The following PPP2R2C variants were observed in gnomAD, a reference collection of about 807,000 sequenced individuals.
PPP2R2C encodes protein phosphatase 2 regulatory subunit Bgamma.
A neutral mutation model predicts 45.3 loss-of-function variants in PPP2R2C; 10 were observed. The ratio of observed to expected loss-of-function variants is 0.22; its 90% confidence interval spans 0.14 to 0.37. PPP2R2C has a LOEUF of 0.37. Among genes scored for constraint, PPP2R2C ranks in the 10% least tolerant of loss-of-function variants. The probability of loss-of-function intolerance (pLI) is 1.00; values close to 1 mark genes in which losing one functional copy is unlikely to be tolerated. For synonymous variants in PPP2R2C, 257 were observed against 245.4 expected (o/e 1.05, Z -0.44); for missense variants, 308 against 619.7 (o/e 0.50, Z 5.34).
At chr4:6,512,595 G>GA (rs1723691275) in intron 2 of PPP2R2C, among the ~76,000 whole-genome samples, 1 of 132,456 alleles carries the variant, frequency 7.5e-6, no homozygotes, top group Non-Finnish European at 1.5e-5. Context: ...TGATGGTGAT[G>GA]GTGGTGGTGG....
At position 6,332,179 on chromosome 4, in the gene PPP2R2C, C is replaced by A. The variant is rs149957038; in HGVS notation, c.960+1383G>T. ...TGACCTCAGGGATGGAGGTAAGTGA[C>A]CGGACAAGGGGCCGGAGGGGGTTGG... On this transcript the variant is annotated intron_variant, in intron 7 of 8. Transcript: ENST00000382599. The surrounding 1 kb of genome is among the most constrained non-coding windows in gnomAD (Gnocchi z 4.9). 6.1e-3 allele frequency among the ~76,000 whole-genome samples: 936 copies of A among 152,252 alleles called. 7 individuals are homozygous for A. Among genetic ancestry groups the A allele is most frequent in the African/African-American group, 0.021 (869 of 41,556 alleles).
intron 1 of PPP2R2C, among the ~76,000 whole-genome samples, chr4:6,455,514 C>A (rs1165303918): frequency 1.3e-5 from 2 of 152,150 alleles, no homozygotes; most frequent in East Asian, 3.9e-4. Flanking sequence ...GCACACTGGG[C>A]AGCTCCCAGC....
At chr4:6,458,619 G>A (rs923329826) in intron 1 of PPP2R2C, among the ~76,000 whole-genome samples, 1 of 152,186 alleles carries the variant, frequency 6.6e-6, no homozygotes, top group Non-Finnish European at 1.5e-5. Context: ...GGAAGGCAAG[G>A]AGGCAGCACA....
At chr4:6,354,660 C>T (rs1408988611) in intron 5 of PPP2R2C, among the ~76,000 whole-genome samples, 1 of 149,624 alleles carries the variant, frequency 6.7e-6, no homozygotes, top group African/African-American at 2.5e-5. Context: ...CCCACCCCCA[C>T]CCCAACACAC....
At chr4:6,380,572 G>A (rs1560498973) in intron 2 of PPP2R2C, among the ~76,000 whole-genome samples, 1 of 152,168 alleles carries the variant, frequency 6.6e-6, no homozygotes, top group Non-Finnish European at 1.5e-5. Flanking sequence ...AGGTTTCACT[G>A]AAGGCACAAG....
At chr4:6,327,194 C>T (rs940025162) in intron 8 of PPP2R2C, among the ~76,000 whole-genome samples, 3 of 152,180 alleles carry the variant, frequency 2.0e-5, no homozygotes, top group African/African-American at 7.2e-5. Flanking sequence ...TCATAGTAGC[C>T]CCCCAGGGCA....
chr4:6,480,470 C>G (rs923437158), intron 2 of PPP2R2C, among the ~76,000 whole-genome samples: 1 of 152,188 alleles, frequency 6.6e-6, no homozygotes, highest in African/African-American at 2.4e-5. Flanking sequence ...TTGGCAAATT[C>G]TCCAAATTAA....
At chr4:6,477,308 C>T (rs1260459689), upstream of PPP2R2C, among the ~76,000 whole-genome samples, 1 of 152,100 alleles carries the variant, frequency 6.6e-6, no homozygotes, top group Non-Finnish European at 1.5e-5. Context: ...TAGTCATGGA[C>T]GTCAACCAGT....
At chr4:6,554,918 G>T (rs866295889) in intron 1 of PPP2R2C, among the ~76,000 whole-genome samples, 2 of 91,092 alleles carry the variant, frequency 2.2e-5, no homozygotes, top group Non-Finnish European at 4.4e-5. Context: ...AAGGAAGGAA[G>T]GAAGGAAGGA....
intron 8 of PPP2R2C, among the ~76,000 whole-genome samples, chr4:6,326,272 C>T (rs967361598): frequency 4.6e-5 from 7 of 151,544 alleles, no homozygotes; most frequent in Admixed American, 1.3e-4. Flanking sequence ...CAGGGAGGAG[C>T]GGAGATGGGG....
intron 1 of PPP2R2C, among the ~76,000 whole-genome samples, chr4:6,417,396 G>A (rs970159772): frequency 6.6e-6 from 1 of 152,214 alleles, no homozygotes; most frequent in Admixed American, 6.5e-5. Flanking sequence ...CTTGGGCCTT[G>A]GGAATCTTCC....
chr4:6,360,576 G>A (rs1025411953), intron 5 of PPP2R2C, among the ~76,000 whole-genome samples: 11 of 152,198 alleles, frequency 7.2e-5, no homozygotes, highest in Non-Finnish European at 1.5e-4. Context: ...GCCACAAAAG[G>A]ACTCACGCAT....
chr4:6,472,107 G>A (rs1289233066), intron 1 of PPP2R2C, 53 bp downstream of exon 1: 23 of 1,609,434 alleles, frequency 1.4e-5, no homozygotes, highest in Non-Finnish European at 1.9e-5. Flanking sequence ...TCGGTGCGAC[G>A]GCATCCCCAC....
intron 2 of PPP2R2C, among the ~76,000 whole-genome samples, chr4:6,487,251 T>A (rs2108782814): frequency 6.6e-6 from 1 of 152,072 alleles, no homozygotes; most frequent in Admixed American, 6.5e-5. Flanking sequence ...TTTAAAGAGA[T>A]TAAAATAATA....
chr4:6,548,508 T>G (rs143562816), intron 1 of PPP2R2C, among the ~76,000 whole-genome samples: 1 of 152,172 alleles, frequency 6.6e-6, no homozygotes, highest in African/African-American at 2.4e-5. Context: ...AAAACAGCCC[T>G]GTATTTGGAT....
intron 1 of PPP2R2C, among the ~76,000 whole-genome samples, chr4:6,388,991 C>T (rs552704192): frequency 9.9e-5 from 15 of 152,198 alleles, no homozygotes; most frequent in Admixed American, 2.0e-4. Context: ...TTCTTCTCCA[C>T]GTGCCACCTG....
At chr4:6,338,514 G>T (rs1733176496) in intron 6 of PPP2R2C, among the ~76,000 whole-genome samples, 3 of 152,146 alleles carry the variant, frequency 2.0e-5, no homozygotes, top group Non-Finnish European at 4.4e-5. Context: ...CTGAGAGCAG[G>T]TGCCCACCTT....
rs375130684 is a variant in PPP2R2C at position 6,512,359 on chromosome 4, A to ATGG, written c.49+22909_49+22911dup. Among the ~76,000 whole-genome samples, 19 of 10,980 alleles carry ATGG rather than the reference A, an allele frequency of 1.7e-3. 5 individuals carry two copies. The highest frequency in any genetic ancestry group is 8.5e-3 in the African/African-American group (18 of 2,130). 7.2% of individuals were successfully genotyped at this position (10,980 alleles called of 152,430 possible). A position where few individuals can be genotyped will look rare whatever the true frequency, so the allele number is the denominator to read the frequency against. ...GATGGTGATGGTGGTGATGGTGCTG[A>ATGG]TGGTGGTGGTGGTGGTGGTGGTGGT... On this transcript the variant is annotated intron_variant, in intron 2 of 9. Coordinates refer to the PPP2R2C transcript ENST00000506140.
chr4:6,495,905 C>A (rs568219373), intron 2 of PPP2R2C, among the ~76,000 whole-genome samples: 92 of 152,304 alleles, frequency 6.0e-4, no homozygotes, highest in Non-Finnish European at 1.0e-3. Context: ...GGGCTAAAAT[C>A]AAAATGTTGG....
Sources: allele counts gnomAD v4.1 joint callset (sites outside exome capture counted in the v4.1 genomes callset), GRCh38; gene constraint gnomAD v4.1.1; non-coding constraint Gnocchi (gnomAD v3.1); transcripts MANE v1.5; gene names NCBI Gene and HGNC (gene_info 2026-07-23, HGNC 2026-07-21).